Variants in NCOR2 observed in about 807,000 individuals in gnomAD.
NCOR2 encodes the protein nuclear receptor corepressor 2, also known as CTG repeat protein 26.
In NCOR2, 81 loss-of-function variants were observed where a neutral mutation model predicts 262.9. The ratio of observed to expected loss-of-function variants is 0.31; its 90% confidence interval spans 0.26 to 0.37. The LOEUF (loss-of-function observed/expected upper bound fraction) is 0.37, where lower values mean the gene tolerates loss of function less well. NCOR2 is among the 10% of genes least tolerant of loss of function. The pLI, the probability that NCOR2 is intolerant of heterozygous loss-of-function variation, is 1.00. For missense variants in NCOR2, 3,385 were observed against 3,621.4 expected (o/e 0.93, Z 1.68); for synonymous variants, 1,659 against 1,559.3 (o/e 1.06, Z -1.51).
exon 14 of NCOR2, chr12:124,402,430 C>T (rs1425664950): frequency 6.2e-7 from 1 of 1,614,028 alleles, no homozygotes; most frequent in Non-Finnish European, 8.5e-7. Flanking sequence ...TGTCGTTCTC[C>T]ACCTCCGGCT....
At chr12:124,403,437 G>A (rs1026935567) in intron 13 of NCOR2, among the ~76,000 whole-genome samples, 1 of 151,948 alleles carries the variant, frequency 6.6e-6, no homozygotes, top group Non-Finnish European at 1.5e-5. Context: ...CCGAGATAGA[G>A]GAGGGAGTGT....
intron 13 of NCOR2, among the ~76,000 whole-genome samples, chr12:124,402,777 G>C (rs1565911682): frequency 6.6e-6 from 1 of 152,184 alleles, no homozygotes; most frequent in Non-Finnish European, 1.5e-5. Flanking sequence ...GGGGCCTGGG[G>C]AGGCGGAGTC....
exon 41 of NCOR2, chr12:124,334,469 T>C: frequency 6.8e-7 from 1 of 1,480,006 alleles, no homozygotes; most frequent in Non-Finnish European, 9.0e-7. Flanking sequence ...CGGGGCACCA[T>C]GGTCCGGGGG....
At chr12:124,348,550 G>A (rs533346512) in intron 28 of NCOR2, 11 of 566,296 alleles carry the variant, frequency 1.9e-5, no homozygotes, top group African/African-American at 1.3e-4. Flanking sequence ...TGCAGGGCAC[G>A]CTGCCTGCAC....
chr12:124,342,078 C>A lies in NCOR2; in HGVS notation c.4937-4G>T, dbSNP rs571051705. On this transcript the variant is annotated splice_region_variant and splice_polypyrimidine_tract_variant and intron_variant, in intron 33 of 46. Coordinates refer to ENST00000405201, the Ensembl canonical transcript of NCOR2. ...CGGGGCAGGTAGTAGGCAGCGGCTG[C>A]GGGGCAGAGGGGAGCTCATGTGAGG... 2 of 1,603,484 alleles carry A rather than the reference C, an allele frequency of 1.2e-6. No homozygotes were observed. Among genetic ancestry groups the A allele is most frequent in the African/African-American group, 1.3e-5 (1 of 74,798 alleles).
At chr12:124,498,936 A>G (rs1450830384), upstream of NCOR2, among the ~76,000 whole-genome samples, 2 of 152,252 alleles carry the variant, frequency 1.3e-5, no homozygotes, top group African/African-American at 4.8e-5. Flanking sequence ...CAGAACAGGC[A>G]CATCCACGAG....
At position 124,332,616 on chromosome 12, in the gene NCOR2, C is replaced by A. The variant is rs925924890; in HGVS notation, c.6756-149G>T. 37 of 1,049,578 alleles carry A rather than the reference C, an allele frequency of 3.5e-5. No homozygotes were observed. In the Middle Eastern group the frequency reaches 7.1e-4, roughly 20 times the overall value. 65.0% of individuals were successfully genotyped at this position (1,049,578 alleles called of 1,614,324 possible). ...CTGCATCCCCTGCCTGGTAGAAGATCACGGCTCCTGAAATCTCCTCTGCGG... is the reference window on the plus strand; with the variant it reads ...CTGCATCCCCTGCCTGGTAGAAGATAACGGCTCCTGAAATCTCCTCTGCGG... On this transcript the variant is annotated intron_variant, in intron 42 of 46. Coordinates refer to ENST00000405201, the Ensembl canonical transcript of NCOR2.
At chr12:124,327,608 C>A in exon 45 of NCOR2, 1 of 1,608,750 alleles carries the variant, frequency 6.2e-7, no homozygotes, top group Non-Finnish European at 8.5e-7. Context: ...GTTCCTGCAC[C>A]GCCTGGCTTC....
chr12:124,445,750 A>G (rs2045127811), intron 7 of NCOR2, among the ~76,000 whole-genome samples: 1 of 152,228 alleles, frequency 6.6e-6, no homozygotes, highest in South Asian at 2.1e-4. Flanking sequence ...GTCAGGCCTC[A>G]TTCACTCCTA....
intron 1 of NCOR2, among the ~76,000 whole-genome samples, chr12:124,526,655 G>T (rs893185021): frequency 6.6e-6 from 1 of 152,120 alleles, no homozygotes; most frequent in African/African-American, 2.4e-5. Context: ...CCTCTCCCCC[G>T]CGGACAGACA....
At chr12:124,492,850 T>G (rs1649605749) in intron 1 of NCOR2, among the ~76,000 whole-genome samples, 2 of 151,650 alleles carry the variant, frequency 1.3e-5, no homozygotes, top group South Asian at 4.2e-4. Flanking sequence ...CTCCTCAGAG[T>G]GCCCAGAACT....
chr12:124,338,238 T>G (rs767814787), intron 37 of NCOR2, among the ~76,000 whole-genome samples: 1 of 152,184 alleles, frequency 6.6e-6, no homozygotes, highest in Non-Finnish European at 1.5e-5. Flanking sequence ...CTGAGTGCGG[T>G]GGCGCACGCC....
chr12:124,537,676 G>C (rs1043566964), upstream of NCOR2, among the ~76,000 whole-genome samples: 3 of 152,210 alleles, frequency 2.0e-5, no homozygotes, highest in Non-Finnish European at 4.4e-5. Context: ...CGAGTGCTCA[G>C]TTCTTGCTGG....
intron 22 of NCOR2, among the ~76,000 whole-genome samples, chr12:124,358,389 C>A (rs541457254): frequency 6.8e-5 from 10 of 148,108 alleles, no homozygotes; most frequent in Non-Finnish European, 1.4e-4. Context: ...TGCACGTGCA[C>A]GTGCATGTGT....
exon 27 of NCOR2, chr12:124,354,116 T>C (rs983428446): frequency 1.9e-6 from 3 of 1,610,370 alleles, no homozygotes; most frequent in African/African-American, 1.3e-5. Flanking sequence ...CCGCGGTATG[T>C]GATGGCGCTG....
chr12:124,487,966 T>G (rs753515514), intron 1 of NCOR2, among the ~76,000 whole-genome samples: 3 of 152,112 alleles, frequency 2.0e-5, no homozygotes, highest in Non-Finnish European at 2.9e-5. Flanking sequence ...ATTAGTTCTG[T>G]CTGCCTGGAA....
chr12:124,453,610 G>A, intron 6 of NCOR2, among the ~76,000 whole-genome samples: 1 of 152,238 alleles, frequency 6.6e-6, no homozygotes. Flanking sequence ...AGGGCCACCA[G>A]GAAGAGCCAG....
At chr12:124,526,953 C>G (rs568263162) in intron 1 of NCOR2, among the ~76,000 whole-genome samples, 1 of 152,212 alleles carries the variant, frequency 6.6e-6, no homozygotes, top group South Asian at 2.1e-4. Flanking sequence ...CCCCCAAGAG[C>G]CAGCCAATCA....
chr12:124,565,938 G>A (rs529766329), intron 1 of NCOR2, among the ~76,000 whole-genome samples: 1 of 152,112 alleles, frequency 6.6e-6, no homozygotes, highest in Admixed American at 6.5e-5. Flanking sequence ...GGCCACCCAC[G>A]AGGTACACAG....
Sources: gnomAD v4.1 joint callset for allele counts (sites outside exome capture counted in the v4.1 genomes callset) on GRCh38, gnomAD v4.1.1 for gene constraint, MANE v1.5 for transcripts, NCBI Gene and HGNC (gene_info 2026-07-23, HGNC 2026-07-21) for gene names.